FAM174B: variants seen among roughly 807,000 people sequenced by gnomAD.
FAM174B encodes family with sequence similarity 174 member B.
In FAM174B, 12 loss-of-function variants were observed where a neutral mutation model predicts 10.9. That is an observed-to-expected ratio of 1.10 (90% CI 0.71 to 1.79). The LOEUF is 1.79. Ranked by LOEUF, FAM174B falls within the 40% of genes most tolerant of loss-of-function variation. The pLI is 0.00. For synonymous variants in FAM174B, 132 were observed against 115.8 expected, an observed-to-expected ratio of 1.14 and a Z score of -0.90; for missense variants, 266 against 233.3, an observed-to-expected ratio of 1.14 and a Z score of -0.91.
At chr15:92,622,334 A>G (rs894155594) in intron 2 of FAM174B, among the ~76,000 whole-genome samples, 3 of 152,204 alleles carry the variant, frequency 2.0e-5, no homozygotes, top group Admixed American at 2.0e-4. Flanking sequence ...ACCCGCACAC[A>G]CCAACGCCTG....
intron 1 of FAM174B, among the ~76,000 whole-genome samples, chr15:92,632,803 G>A (rs1402246296): frequency 2.6e-5 from 4 of 152,068 alleles, no homozygotes; most frequent in South Asian, 2.1e-4. Flanking sequence ...GATGACAGGC[G>A]TGGGACACCG....
intron 1 of FAM174B, among the ~76,000 whole-genome samples, chr15:92,648,633 T>A (rs151115737): frequency 1.6e-3 from 245 of 152,272 alleles, no homozygotes; most frequent in African/African-American, 5.6e-3. Context: ...AGTTTTCTCA[T>A]CTGTACAATG....
chr15:92,637,918 C>A (rs1425452845), intron 1 of FAM174B, among the ~76,000 whole-genome samples: 1 of 152,184 alleles, frequency 6.6e-6, no homozygotes, highest in Non-Finnish European at 1.5e-5. Flanking sequence ...CCCAGGTTTG[C>A]AATCAGACTT....
intron 1 of FAM174B, among the ~76,000 whole-genome samples, chr15:92,644,051 C>T (rs1187941678): frequency 6.6e-6 from 1 of 152,182 alleles, no homozygotes; most frequent in Admixed American, 6.5e-5. Context: ...CTCTACGCTG[C>T]ACCTCCTCCT....
chr15:92,619,384 G>A lies in FAM174B; in HGVS notation c.*72C>T, dbSNP rs1420303815. On this transcript the variant is annotated 3_prime_UTR_variant, in exon 3 of 3. Coordinates refer to ENST00000327355, the MANE Select transcript of FAM174B (RefSeq NM_207446.3). The stretch of plus-strand genomic sequence containing the variant: ...ACCTCCGACGCAAGAGGGCTTCCAG[G>A]TCCAGTCCTTCACACCCCAGGTTGC... 5.0e-6 allele frequency: 8 copies of A among 1,590,496 alleles called. No homozygotes were observed. Among genetic ancestry groups the A allele is most frequent in the Admixed American group, 1.7e-5 (1 of 59,930 alleles).
intron 1 of FAM174B, among the ~76,000 whole-genome samples, chr15:92,652,539 T>C (rs564962990): frequency 1.3e-5 from 2 of 152,076 alleles, no homozygotes; most frequent in East Asian, 3.9e-4. Context: ...AAGGAGTCTG[T>C]ATGCAGGGAG....
intron 2 of FAM174B, 39 bp from the exon 3 acceptor site, chr15:92,619,498 C>A (rs200241587): frequency 1.4e-5 from 23 of 1,606,306 alleles, no homozygotes; most frequent in Admixed American, 3.3e-5. Context: ...CCCCTTCTGG[C>A]AGAGCCTCGC....
At chr15:92,623,864 G>T (rs1394864916) in intron 2 of FAM174B, among the ~76,000 whole-genome samples, 1 of 152,232 alleles carries the variant, frequency 6.6e-6, no homozygotes, top group African/African-American at 2.4e-5. Context: ...CACAAGAAAA[G>T]AACATCTGAA....
intron 1 of FAM174B, among the ~76,000 whole-genome samples, chr15:92,633,263 G>A (rs285754): frequency 0.18 from 27,376 of 152,074 alleles, 2,601 homozygotes; most frequent in Middle Eastern, 0.24. Context: ...CAGTAAGTTG[G>A]CAAAATGAAT....
intron 1 of FAM174B, among the ~76,000 whole-genome samples, chr15:92,643,171 G>A (rs1043522992): frequency 1.7e-4 from 26 of 151,084 alleles, no homozygotes; most frequent in African/African-American, 6.1e-4. Flanking sequence ...GTCTGGCTAT[G>A]TTGACCAGGC....
Position 92,619,372 on chromosome 15 carries a change from GA to G in FAM174B, c.*83del, listed in dbSNP as rs2050703274. ...TTTGGTTTCAACACCTCCGACGCAA[GA>G]GGGCTTCCAGGTCCAGTCCTTCACA... On this transcript the variant is annotated 3_prime_UTR_variant, in exon 3 of 3. Coordinates refer to ENST00000327355, the MANE Select transcript of FAM174B (RefSeq NM_207446.3). 2 of 1,546,650 alleles carry G rather than the reference GA, an allele frequency of 1.3e-6. No homozygotes were observed. Among genetic ancestry groups the G allele is most frequent in the Non-Finnish European group, 1.8e-6 (2 of 1,119,226 alleles).
intron 1 of FAM174B, among the ~76,000 whole-genome samples, chr15:92,654,241 C>T (rs1156615218): frequency 6.6e-6 from 1 of 152,184 alleles, no homozygotes; most frequent in Non-Finnish European, 1.5e-5. Context: ...TCTGCTGTTG[C>T]ACTGAAAATG....
At position 92,630,341 on chromosome 15, in the gene FAM174B, C is replaced by G; in HGVS notation, c.349G>C (p.Gly117Arg). 1.2e-6 allele frequency: 2 copies of G among 1,610,694 alleles called. No homozygotes were observed. Among genetic ancestry groups the G allele is most frequent in the Non-Finnish European group, 1.7e-6 (2 of 1,178,210 alleles). ...TTGCGTGTCTTCTTTAACCTCTTTCCCGACCTGCAGGAGAAGAAGCACATT... is the reference window on the plus strand; with the variant it reads ...TTGCGTGTCTTCTTTAACCTCTTTCGCGACCTGCAGGAGAAGAAGCACATT... ...ACLLLRVFRS[G>R]KRLKKTRKYD... The change falls in exon 2 of 3, where the codon GGA becomes CGA. Residue 117 changes from glycine to arginine, a missense_variant. By Grantham distance (125) the Gly-to-Arg change is moderately radical (BLOSUM62 -2). Transcript: ENST00000327355.
chr15:92,630,486 T>A, intron 1 of FAM174B, 141 bp from the exon 2 acceptor site: 1 of 794,194 alleles, frequency 1.3e-6, no homozygotes, highest in Non-Finnish European at 2.0e-6. Flanking sequence ...TGTGAGGATC[T>A]GATGGAAGGC....
intron 2 of FAM174B, among the ~76,000 whole-genome samples, chr15:92,623,782 G>T (rs1321290274): frequency 6.6e-6 from 1 of 152,214 alleles, no homozygotes; most frequent in East Asian, 1.9e-4. Context: ...GTCTGAGACA[G>T]AGAAACGTGT....
chr15:92,655,530 G>A lies in FAM174B; in HGVS notation c.130C>T (p.Arg44Trp). ...APWPEPERES[R>W]PPPGPGPGNT... ...CCGGGCCCCGGGCCGGGCGGTGGCC[G>A]CGACTCGCGCTCGGGTTCGGGCCAC... The change falls in exon 1 of 3, where the codon CGG (arginine) becomes TGG (tryptophan). Residue 44 changes from arginine (R) to tryptophan (W), a missense_variant. Transcript: ENST00000327355. 13 of 1,484,812 alleles carry A rather than the reference G, an allele frequency of 8.8e-6. No individual in the cohort carries two copies. In the East Asian group the frequency reaches 1.5e-4, roughly 17 times the overall value. 92.0% of individuals were successfully genotyped at this position (1,484,812 alleles called of 1,614,324 possible).
chr15:92,655,367 G>GC lies in FAM174B; in HGVS notation c.292dup (p.Ala98GlyfsTer30). 3 of 1,590,966 alleles carry GC rather than the reference G, an allele frequency of 1.9e-6. No individual in the cohort carries two copies. The highest frequency in any genetic ancestry group is 2.6e-6 in the Non-Finnish European group (3 of 1,169,384). On this transcript the variant is annotated frameshift_variant, in exon 1 of 3. Coordinates refer to ENST00000327355, the MANE Select transcript of FAM174B (RefSeq NM_207446.3). LOFTEE classifies it high-confidence loss of function. ...GATGAGGAGGGTGGTAAAGGCGAAC[G>GC]CCACGATCACGGCTGCCTTGAGGGT...
intron 1 of FAM174B, among the ~76,000 whole-genome samples, chr15:92,631,397 ATATTATAT>A (rs2050813517): frequency 4.7e-5 from 2 of 42,268 alleles, no homozygotes; most frequent in African/African-American, 2.8e-4. Context: ...ATTATATATT[ATATTATAT>A]TATATATAAT....
In FAM174B at chr15:92,619,025, AG is replaced by A; in HGVS notation, c.*430del. ...GGGGTCCAATGTGTAGATCCAGTAG[AG>A]AAGAATGTCGGAAATTCTAAATACA... On this transcript the variant is annotated 3_prime_UTR_variant, in exon 3 of 3. Transcript: ENST00000327355. 7.4e-6 allele frequency: 3 copies of A among 407,566 alleles called. No individual in the cohort carries two copies. Among genetic ancestry groups the A allele is most frequent in the South Asian group, 1.5e-4 (2 of 13,702 alleles). 25.2% of individuals were successfully genotyped at this position (407,566 alleles called of 1,614,324 possible).
Sources: allele counts gnomAD v4.1 joint callset (sites outside exome capture counted in the v4.1 genomes callset), GRCh38; gene constraint gnomAD v4.1.1; transcripts MANE v1.5; gene names NCBI Gene and HGNC (gene_info 2026-07-23, HGNC 2026-07-21).